Variants in BMP8B observed in about 807,000 individuals in gnomAD.
The protein encoded by BMP8B is bone morphogenetic protein 8 (osteogenic protein 2).
Under a neutral mutation model 30.3 loss-of-function variants are expected in BMP8B, and 17 were observed. The observed-to-expected ratio is 0.56, with a 90% CI of 0.38 to 0.84. BMP8B has a LOEUF of 0.84. Among genes scored for constraint, BMP8B ranks in the 40% least tolerant of loss-of-function variants. The pLI is 0.00. For synonymous variants in BMP8B, 131 were observed against 214.7 expected (o/e 0.61, Z 3.41); for missense variants, 253 against 494.6 (o/e 0.51, Z 4.63).
In BMP8B at chr1:39,761,624, ACT is replaced by A. The variant is rs548844757; in HGVS notation, c.1060-1058_1060-1057del. 1.3e-3 allele frequency among the ~76,000 whole-genome samples: 202 copies of A among 151,206 alleles called. 1 individual carries two copies. Among genetic ancestry groups the A allele is most frequent in the African/African-American group, 4.7e-3 (195 of 41,146 alleles). ...TGTCACCTCCCTCCGCCCTCCTCCC[ACT>A]CACTGCACCCAGCCCCTTCTCCCTG... On this transcript the variant is annotated intron_variant, in intron 6 of 6. Transcript: ENST00000372827.
intron 1 of BMP8B, among the ~76,000 whole-genome samples, chr1:39,787,096 G>A (rs866882068): frequency 6.6e-6 from 1 of 152,246 alleles, no homozygotes; most frequent in African/African-American, 2.4e-5. Context: ...TAGAGGCTGC[G>A]CTGTCCTAGG....
At chr1:39,775,749 G>C (rs1650180482) in intron 1 of BMP8B, among the ~76,000 whole-genome samples, 1 of 152,266 alleles carries the variant, frequency 6.6e-6, no homozygotes, top group African/African-American at 2.4e-5. Flanking sequence ...GAACAAGCTG[G>C]AAGAGGAAGG....
At position 39,758,692 on chromosome 1, in the gene BMP8B, A is replaced by C. The variant is rs1238853934; in HGVS notation, c.*1727T>G. 1 of 152,316 alleles carries C rather than the reference A, an allele frequency of 6.6e-6. No individual in the cohort carries two copies. The highest frequency in any genetic ancestry group is 1.9e-4 in the East Asian group (1 of 5,196). The allele number at this position is 152,316 out of a possible 1,614,324, so 9.4% of individuals were successfully genotyped here. ...CAGATAGAAAATGGAGGCGCAGATAAGGAAGCCACCTACAAGGCAGGTCTC... is the reference window on the plus strand; with the variant it reads ...CAGATAGAAAATGGAGGCGCAGATACGGAAGCCACCTACAAGGCAGGTCTC... On this transcript the variant is annotated 3_prime_UTR_variant, in exon 7 of 7. Transcript: ENST00000372827.
chr1:39,763,997 A>G, intron 4 of BMP8B: 8 of 625,160 alleles, frequency 1.3e-5, no homozygotes, highest in Non-Finnish European at 2.2e-5. Flanking sequence ...CAATGGCTAG[A>G]GTGACACTGT....
At chr1:39,772,819 C>G (rs2124463286) in intron 3 of BMP8B, among the ~76,000 whole-genome samples, 1 of 149,760 alleles carries the variant, frequency 6.7e-6, no homozygotes, top group South Asian at 2.2e-4. Context: ...GTCTCTCTGA[C>G]TTCACTCTTG....
chr1:39,762,674 C>T lies in BMP8B; in HGVS notation c.1059+418G>A, dbSNP rs760383412. Reference sequence around the variant, plus strand: ...CAGGTGGGTGAGTGCACACGCACACCCCACACACTGTGCACACATATCACG... The same window carrying T: ...CAGGTGGGTGAGTGCACACGCACACTCCACACACTGTGCACACATATCACG... On this transcript the variant is annotated intron_variant, in intron 6 of 6. Transcript: ENST00000372827. The T allele has an allele frequency of 3.3e-6, 5 of 1,514,140 alleles. No homozygotes were observed. In the South Asian group the frequency reaches 5.1e-5, roughly 15 times the overall value. 93.8% of individuals were successfully genotyped at this position (1,514,140 alleles called of 1,614,324 possible). A position where few individuals can be genotyped will look rare whatever the true frequency, so the allele number is the denominator to read the frequency against.
rs139638488 is a variant in BMP8B at position 39,770,649 on chromosome 1, T to C, written c.673+3659A>G. ...TTCACCAGGGCGAAGTCTGCCCGGA[T>C]GGCGCGCTCCAAAAGGAAGTGGTCG... On this transcript the variant is annotated intron_variant, in intron 3 of 6. Transcript: ENST00000372827. The C allele has an allele frequency of 1.6e-3, 2,359 of 1,520,494 alleles. 21 individuals carry two copies. Among genetic ancestry groups the C allele is most frequent in the Non-Finnish European group, 1.8e-3 (2,070 of 1,128,046 alleles). The allele number at this position is 1,520,494 out of a possible 1,614,324, so 94.2% of individuals were successfully genotyped here.
At chr1:39,763,989 A>G (rs1569792809) in intron 4 of BMP8B, 198 bp from the exon 5 acceptor site, 4 of 669,086 alleles carry the variant, frequency 6.0e-6, no homozygotes, top group Non-Finnish European at 7.4e-6. Context: ...ATGGCTCCCA[A>G]TGGCTAGAGT....
chr1:39,763,274 C>G (rs1649278016), intron 5 of BMP8B, 72 bp from the exon 6 acceptor site: 1 of 1,428,808 alleles, frequency 7.0e-7, no homozygotes, highest in Non-Finnish European at 9.6e-7. Flanking sequence ...AACCCATCCT[C>G]CAGCCCTGCA....
chr1:39,776,546 C>T (rs1171984151), intron 1 of BMP8B, among the ~76,000 whole-genome samples: 1 of 152,166 alleles, frequency 6.6e-6, no homozygotes, highest in Non-Finnish European at 1.5e-5. Context: ...TGGTGGGGAC[C>T]TGGTCCGGCC....
rs148807152 is a variant in BMP8B at position 39,783,992 on chromosome 1, A to G, written c.334+4160T>C. On this transcript the variant is annotated intron_variant, in intron 1 of 6. Transcript: ENST00000372827. The stretch of plus-strand genomic sequence containing the variant: ...TCAACACAGTCCATTTCAGCAGCAC[A>G]CACTGCATTTAACGGTGGGCCAGGC... Among the ~76,000 whole-genome samples, 16 of 152,360 alleles carry G rather than the reference A, an allele frequency of 1.1e-4. No homozygotes were observed. In the East Asian group the frequency reaches 3.1e-3, roughly 29 times the overall value.
intron 1 of BMP8B, among the ~76,000 whole-genome samples, chr1:39,782,727 C>T (rs1391753005): frequency 6.6e-6 from 1 of 151,808 alleles, no homozygotes; most frequent in Non-Finnish European, 1.5e-5. Flanking sequence ...GCTTGGCCTC[C>T]CAAAGTGCTG....
At chr1:39,767,089 T>TG (rs1427906702) in intron 3 of BMP8B, among the ~76,000 whole-genome samples, 7 of 152,008 alleles carry the variant, frequency 4.6e-5, no homozygotes, top group African/African-American at 7.2e-5. Flanking sequence ...AAGGGTCTTA[T>TG]GGGGGGTCTC....
intron 1 of BMP8B, among the ~76,000 whole-genome samples, chr1:39,781,772 C>G (rs1355438950): frequency 1.3e-5 from 2 of 152,204 alleles, no homozygotes; most frequent in East Asian, 3.8e-4. Context: ...GGGGGCTGGG[C>G]ACTGGTACTG....
At position 39,788,330 on chromosome 1, in the gene BMP8B, G is replaced by C. The variant is rs1463319782; in HGVS notation, c.156C>G (p.Leu52=). The C allele has an allele frequency of 8.2e-7, 1 of 1,219,734 alleles. No homozygotes were observed. The highest frequency in any genetic ancestry group is 4.5e-5 in the Admixed American group (1 of 22,110). 75.6% of individuals were successfully genotyped at this position (1,219,734 alleles called of 1,614,324 possible). The change falls in exon 1 of 7, where the codon CTC becomes CTG. Residue 52 remains leucine (L), a synonymous_variant. Coordinates refer to ENST00000372827, the MANE Select transcript of BMP8B (RefSeq NM_001720.5). This position sits in a 1 kb window ranked among gnomAD's most constrained non-coding sequence, Gnocchi z 5.8. ...RDVQREILAV[L]GLPGRPRPRA... ...GGGGCCGGGGCCGCCCAGGCAGCCCGAGCACCGCCAGGATCTCGCGCTGCA... is the reference window on the plus strand; with the variant it reads ...GGGGCCGGGGCCGCCCAGGCAGCCCCAGCACCGCCAGGATCTCGCGCTGCA...
chr1:39,771,038 A>G, intron 3 of BMP8B: 1 of 1,513,530 alleles, frequency 6.6e-7, no homozygotes, highest in African/African-American at 1.4e-5. Flanking sequence ...CGCGGCGATC[A>G]GGTTCTCGGG....
At chr1:39,776,736 T>C (rs1557485671) in intron 1 of BMP8B, among the ~76,000 whole-genome samples, 1 of 152,256 alleles carries the variant, frequency 6.6e-6, no homozygotes, top group African/African-American at 2.4e-5. Flanking sequence ...GAATTAAGTT[T>C]TTCTAAATAA....
chr1:39,780,120 C>T (rs1378945109), intron 1 of BMP8B, among the ~76,000 whole-genome samples: 1 of 152,200 alleles, frequency 6.6e-6, no homozygotes, highest in Non-Finnish European at 1.5e-5. Flanking sequence ...CTAATCCTGG[C>T]AGGGACCTAT....
At position 39,757,197 on chromosome 1, in the gene BMP8B, G is replaced by C. The variant is rs1648370474; in HGVS notation, c.*3222C>G. Reference sequence around the variant, plus strand: ...CATCATCACCTGCAGAACACATTTTGGTTTAATGGACAGACATAGAAGTGG... The same window carrying C: ...CATCATCACCTGCAGAACACATTTTCGTTTAATGGACAGACATAGAAGTGG... On this transcript the variant is annotated 3_prime_UTR_variant, in exon 7 of 7. Coordinates refer to ENST00000372827, the MANE Select transcript of BMP8B (RefSeq NM_001720.5). 6.6e-6 allele frequency: 1 copy of C among 152,182 alleles called. No homozygotes were observed. The highest frequency in any genetic ancestry group is 1.5e-5 in the Non-Finnish European group (1 of 68,024). The allele number at this position is 152,182 out of a possible 1,614,324, so 9.4% of individuals were successfully genotyped here.
Sources: allele counts gnomAD v4.1 joint callset (sites outside exome capture counted in the v4.1 genomes callset), GRCh38; gene constraint gnomAD v4.1.1; non-coding constraint Gnocchi (gnomAD v3.1); transcripts MANE v1.5; gene names NCBI Gene and HGNC (gene_info 2026-07-23, HGNC 2026-07-21).